CLEC2B: variants seen among roughly 807,000 people sequenced by gnomAD.
CLEC2B encodes C-type lectin domain family 2 member B, also known as C-type (calcium dependent, carbohydrate-recognition domain) lectin, superfamily member 2 (activation-induced).
CLEC2B carries 14 observed loss-of-function variants against 16.2 expected under a neutral mutation model. That is an observed-to-expected ratio of 0.86 (90% CI 0.57 to 1.35). The LOEUF is 1.35. CLEC2B is among the 40% of genes most tolerant of loss of function. The probability of loss-of-function intolerance (pLI) is 0.00; values close to 1 mark genes in which losing one functional copy is unlikely to be tolerated. For synonymous variants in CLEC2B, 42 were observed against 55.8 expected (o/e 0.75, Z 1.10); for missense variants, 166 against 182.3 (o/e 0.91, Z 0.52).
In CLEC2B at chr12:9,854,391, A is replaced by G; in HGVS notation, c.331T>C (p.Phe111Leu). 6.2e-7 allele frequency: 1 copy of G among 1,610,094 alleles called. No individual in the cohort carries two copies. The highest frequency in any genetic ancestry group is 8.5e-7 in the Non-Finnish European group (1 of 1,176,680). Residue 111 changes from phenylalanine (F) to leucine (L), a missense_variant, in exon 4 of 5, where the codon TTT becomes CTT. By Grantham distance (22) the Phe-to-Leu change is conservative. Transcript: ENST00000228438. Reference protein sequence around the residue: ...RTGQWVDGATFTKSFGMRGSE... With the variant: ...RTGQWVDGATLTKSFGMRGSE... ...AAAAAATAAACTCACGATTTGGTAA[A>G]TGTAGCTCCATCTACCCATTGTCCT...
intron 2 of CLEC2B, among the ~76,000 whole-genome samples, chr12:9,858,558 A>C (rs866666968): frequency 2.7e-4 from 41 of 152,116 alleles, no homozygotes; most frequent in African/African-American, 9.1e-4. Flanking sequence ...GCATTGATCC[A>C]ACTACCAGTT....
In CLEC2B at chr12:9,866,311, G is replaced by A. The variant is rs73046774; in HGVS notation, c.-3+2894C>T. On this transcript the variant is annotated intron_variant, in intron 1 of 4. Transcript: ENST00000228438. ...AGTAAATATGTCAGTATGTCATTCC[G>A]TTTTTCTCCCCATGAATTGGCATAA... is the stretch of plus-strand genomic sequence containing the variant. Among the ~76,000 whole-genome samples the A allele has an allele frequency of 3.6e-3, 551 of 152,082 alleles. 3 individuals carry two copies. Among genetic ancestry groups the A allele is most frequent in the Middle Eastern group, 0.014 (4 of 294 alleles).
rs1229892834 is a variant in CLEC2B, at chr12:9,853,057, AAAAGAAAGAAAG to A, written c.*231_*242del. 2.0e-5 allele frequency: 2 copies of A among 98,366 alleles called. No homozygotes were observed. Among genetic ancestry groups the A allele is most frequent in the African/African-American group, 2.6e-4 (2 of 7,756 alleles). The allele number at this position is 98,366 out of a possible 1,614,324, so 6.1% of individuals were successfully genotyped here. On this transcript the variant is annotated 3_prime_UTR_variant, in exon 5 of 5. Coordinates refer to ENST00000228438, the MANE Select transcript of CLEC2B (RefSeq NM_005127.3). ...AATTGTTTTCTGGTTTACAGTTAAA[AAAAGAAAGAAAG>A]AAAGAAAGAAAGAAAGAGAGAGAGA...
At chr12:9,868,909 T>C (rs947283446) in intron 1 of CLEC2B, among the ~76,000 whole-genome samples, 4 of 152,142 alleles carry the variant, frequency 2.6e-5, no homozygotes, top group Admixed American at 2.6e-4. Flanking sequence ...ATCTGGATCA[T>C]ATCTATCATC....
chr12:9,864,568 G>A (rs1291257694), intron 1 of CLEC2B, among the ~76,000 whole-genome samples: 1 of 152,140 alleles, frequency 6.6e-6, no homozygotes, highest in Non-Finnish European at 1.5e-5. Flanking sequence ...TGAGGGTGGA[G>A]TAAAAGTGTT....
intron 1 of CLEC2B, among the ~76,000 whole-genome samples, chr12:9,865,180 C>CAA (rs56774558): frequency 1.1e-3 from 109 of 99,074 alleles, no homozygotes; most frequent in African/African-American, 2.5e-3. Flanking sequence ...AAGACTCTCT[C>CAA]AAAAAAAAAA....
chr12:9,854,040 A>C (rs996818212), intron 4 of CLEC2B, among the ~76,000 whole-genome samples: 2 of 152,194 alleles, frequency 1.3e-5, no homozygotes, highest in African/African-American at 4.8e-5. Context: ...ACTGTAAAAG[A>C]CATCAGAAAA....
chr12:9,865,754 G>A lies in CLEC2B; in HGVS notation c.-2-3181C>T, dbSNP rs374444621. 1.9e-4 allele frequency among the ~76,000 whole-genome samples: 29 copies of A among 152,088 alleles called. 1 individual carries two copies. The South Asian group carries it at 6.0e-3, about 32-fold the overall frequency. The stretch of plus-strand genomic sequence containing the variant: ...TTCTCCAGAACAGACCACATTGTAG[G>A]CCAAAAAACAAGTCTCAATAAATTA... On this transcript the variant is annotated intron_variant, in intron 1 of 4. Transcript: ENST00000228438.
intron 4 of CLEC2B, 49 bp from the exon 5 acceptor site, chr12:9,853,457 C>T: frequency 6.9e-7 from 1 of 1,450,474 alleles, no homozygotes; most frequent in Non-Finnish European, 9.7e-7. Context: ...TTCTTCCTTG[C>T]CCATGGACAC....
chr12:9,854,371 A>G lies in CLEC2B; in HGVS notation c.341+10T>C. 4 of 1,591,572 alleles carry G rather than the reference A, an allele frequency of 2.5e-6. No individual in the cohort carries two copies. The highest frequency in any genetic ancestry group is 3.4e-6 in the Non-Finnish European group (4 of 1,161,832). On this transcript the variant is annotated intron_variant, in intron 4 of 4. Transcript: ENST00000228438. ...TAAATTTAAGTGATCCCAGAAAAAA[A>G]TAAACTCACGATTTGGTAAATGTAG...
chr12:9,853,558 T>A, intron 4 of CLEC2B, 150 bp from the exon 5 acceptor site: 1 of 634,994 alleles, frequency 1.6e-6, no homozygotes, highest in Non-Finnish European at 2.8e-6. Context: ...TATACCAATT[T>A]GGATCAAAAG....
At chr12:9,867,743 A>G (rs1315551987) in intron 1 of CLEC2B, among the ~76,000 whole-genome samples, 1 of 152,146 alleles carries the variant, frequency 6.6e-6, no homozygotes, top group African/African-American at 2.4e-5. Context: ...AATGGATTTA[A>G]TTAACAGTGT....
At chr12:9,854,269 C>T in intron 4 of CLEC2B, 112 bp downstream of exon 4, 1 of 632,664 alleles carries the variant, frequency 1.6e-6, no homozygotes. Flanking sequence ...CCCCCTCCAT[C>T]TTTCTAACAT....
chr12:9,856,525 G>T (rs1373604990), intron 3 of CLEC2B, among the ~76,000 whole-genome samples: 2 of 151,760 alleles, frequency 1.3e-5, no homozygotes, highest in Non-Finnish European at 2.9e-5. Context: ...CCTATAAATT[G>T]GCTCTGCCTG....
chr12:9,863,693 G>A (rs1379751735), intron 1 of CLEC2B, among the ~76,000 whole-genome samples: 1 of 152,026 alleles, frequency 6.6e-6, no homozygotes, highest in Admixed American at 6.6e-5. Context: ...AAAAGAGAAT[G>A]GATCAAGAAG....
chr12:9,854,105 T>A (rs1007939507), intron 4 of CLEC2B, among the ~76,000 whole-genome samples: 2 of 152,126 alleles, frequency 1.3e-5, no homozygotes, highest in Non-Finnish European at 2.9e-5. Flanking sequence ...TAGTTTATAA[T>A]CAGAGAAAAG....
At chr12:9,859,239 T>C (rs1320591294) in intron 2 of CLEC2B, among the ~76,000 whole-genome samples, 2 of 151,726 alleles carry the variant, frequency 1.3e-5, no homozygotes, top group East Asian at 1.9e-4. Context: ...TTAATAATAG[T>C]GATAAATTAA....
intron 2 of CLEC2B, among the ~76,000 whole-genome samples, chr12:9,859,732 T>C (rs1317541431): frequency 6.6e-6 from 1 of 151,860 alleles, no homozygotes; most frequent in East Asian, 1.9e-4. Flanking sequence ...CAATACCTGA[T>C]AATAGTATTG....
intron 2 of CLEC2B, among the ~76,000 whole-genome samples, chr12:9,861,154 T>A (rs1867929793): frequency 6.6e-6 from 1 of 151,960 alleles, no homozygotes; most frequent in South Asian, 2.1e-4. Flanking sequence ...AGCTTCATAG[T>A]TAAAGAAGAT....
Sources: allele counts gnomAD v4.1 joint callset (sites outside exome capture counted in the v4.1 genomes callset), GRCh38; gene constraint gnomAD v4.1.1; transcripts MANE v1.5; gene names NCBI Gene and HGNC (gene_info 2026-07-23, HGNC 2026-07-21).